Variants in SPTLC1 observed in about 807,000 individuals in gnomAD.
The protein encoded by SPTLC1 is serine palmitoyltransferase 1.
A neutral mutation model predicts 68.9 loss-of-function variants in SPTLC1; 55 were observed. The ratio of observed to expected loss-of-function variants is 0.80; its 90% CI spans 0.64 to 1.00. SPTLC1 has a LOEUF of 1.00. Ranked by LOEUF, SPTLC1 falls within the 50% of genes least tolerant of loss-of-function variation. The probability of loss-of-function intolerance (pLI) is 0.00; values close to 1 mark genes in which losing one functional copy is unlikely to be tolerated. For missense variants in SPTLC1, 449 were observed against 573.1 expected (o/e 0.78, Z 2.21); for synonymous variants, 197 against 201.6 (o/e 0.98, Z 0.19).
In SPTLC1 at chr9:92,115,294, G is replaced by A. The variant is rs373675878; in HGVS notation, c.57+20C>T. The A allele has an allele frequency of 3.2e-5, 52 of 1,611,180 alleles. No homozygotes were observed. The African/African-American group carries it at 6.1e-4, about 19-fold the overall frequency. On this transcript the variant is annotated intron_variant, in intron 1 of 14. Coordinates refer to ENST00000262554, the MANE Select transcript of SPTLC1 (RefSeq NM_006415.4). The stretch of plus-strand genomic sequence containing the variant: ...CCGGGCCCGGGTGTGGTCGCGGACC[G>A]CTAATGGCGCGGAGCCCACCTCGTA...
Position 92,059,186 on chromosome 9 carries a change from T to A in SPTLC1, c.683A>T (p.Asp228Val). The part of the protein sequence containing the change: ...ERLLKEQEIE[D>V]QKNPRKARVT... ...TCTTCAAAAGAATCATACCTTTTGA[T>A]CTTCGATCTCTTGTTCTTTTAGTAG... Residue 228 changes from aspartate (D) to valine (V), a missense_variant, in exon 7 of 15, where the codon GAT (aspartate) becomes GTT (valine). Asp to Val is a radical substitution (Grantham distance 152). Around this residue, in one of 3 missense-constraint regions of SPTLC1, gnomAD observed 391 missense variants for 472.1 expected, o/e 0.83. Coordinates refer to ENST00000262554, the MANE Select transcript of SPTLC1 (RefSeq NM_006415.4). The A allele has an allele frequency of 6.2e-7, 1 of 1,613,698 alleles. No individual in the cohort carries two copies. Among genetic ancestry groups the A allele is most frequent in the Non-Finnish European group, 8.5e-7 (1 of 1,179,796 alleles).
rs2118438681 is a variant in SPTLC1 at position 92,045,992 on chromosome 9, A to G, written c.1136+7T>C. 1 of 1,611,914 alleles carries G rather than the reference A, an allele frequency of 6.2e-7. No homozygotes were observed. Among genetic ancestry groups the G allele is most frequent in the Middle Eastern group, 1.7e-4 (1 of 6,040 alleles). ...CTTTATGTTGGTTGAAAATATATAA[A>G]ACTCACCCTTGTAAAGCTTTATGAA... On this transcript the variant is annotated splice_region_variant and intron_variant, in intron 12 of 14. Coordinates refer to ENST00000262554, the MANE Select transcript of SPTLC1 (RefSeq NM_006415.4).
intron 6 of SPTLC1, among the ~76,000 whole-genome samples, chr9:92,064,531 C>A (rs1051527295): frequency 6.6e-6 from 1 of 152,192 alleles, no homozygotes; most frequent in Non-Finnish European, 1.5e-5. Context: ...ATGGTATAGA[C>A]ACTTTGGAAA....
chr9:92,079,425 A>G, intron 5 of SPTLC1: 1 of 1,578,888 alleles, frequency 6.3e-7, no homozygotes, highest in Non-Finnish European at 8.6e-7. Context: ...TACACTTAAT[A>G]AAAACAACCA....
chr9:92,079,781 CCA>C, intron 5 of SPTLC1: 1 of 651,158 alleles, frequency 1.5e-6, no homozygotes, highest in Non-Finnish European at 2.7e-6. Flanking sequence ...GCTGCAATCC[CCA>C]CACATGCACA....
At chr9:92,083,066 T>C (rs1266757956) in intron 3 of SPTLC1, among the ~76,000 whole-genome samples, 8 of 151,952 alleles carry the variant, frequency 5.3e-5, no homozygotes, top group Admixed American at 2.0e-4. Context: ...TCATGTCCTT[T>C]GCCCACTTTT....
chr9:92,080,233 G>A (rs1272664241), intron 4 of SPTLC1, 145 bp from the exon 5 acceptor site: 4 of 669,358 alleles, frequency 6.0e-6, no homozygotes, highest in East Asian at 2.8e-5. Context: ...TAAAGACTGA[G>A]TATATGACTT....
chr9:92,082,636 T>C (rs1440961632), intron 3 of SPTLC1, among the ~76,000 whole-genome samples: 1 of 152,038 alleles, frequency 6.6e-6, no homozygotes, highest in African/African-American at 2.4e-5. Context: ...ATCCAGTCTA[T>C]CATTGTCGGA....
chr9:92,064,364 T>C (rs1834210382), intron 6 of SPTLC1, among the ~76,000 whole-genome samples: 1 of 152,146 alleles, frequency 6.6e-6, no homozygotes. Context: ...AGATGGCAAA[T>C]ATGCACATGA....
At chr9:92,047,495 A>G in intron 10 of SPTLC1, 118 bp downstream of exon 10, 1 of 776,298 alleles carries the variant, frequency 1.3e-6, no homozygotes, top group East Asian at 2.7e-5. Context: ...AAAAATTGAC[A>G]TTTAAATAAA....
intron 3 of SPTLC1, 125 bp from the exon 4 acceptor site, chr9:92,081,088 TTTC>T: frequency 2.8e-6 from 2 of 711,466 alleles, no homozygotes; most frequent in Non-Finnish European, 5.1e-6. Context: ...TGGTCTTTGA[TTTC>T]TTGTTTTTAA....
chr9:92,081,966 C>A (rs919306553), intron 3 of SPTLC1, among the ~76,000 whole-genome samples: 1 of 152,074 alleles, frequency 6.6e-6, no homozygotes, highest in African/African-American at 2.4e-5. Context: ...TTCATGAAAG[C>A]GAACTAACTT....
intron 3 of SPTLC1, among the ~76,000 whole-genome samples, chr9:92,094,537 G>T (rs7862826): frequency 0.064 from 9,720 of 152,106 alleles, 622 homozygotes; most frequent in East Asian, 0.27. Context: ...TGTTCTCCTT[G>T]CTCTTGGCAG....
chr9:92,111,260 T>G (rs980393812), intron 2 of SPTLC1: 64 of 152,226 alleles, frequency 4.2e-4, no homozygotes, highest in Admixed American at 4.1e-3. Context: ...CATTATTACC[T>G]GCTGAGGTAA....
intron 3 of SPTLC1, among the ~76,000 whole-genome samples, chr9:92,088,263 C>T (rs944772407): frequency 2.0e-5 from 3 of 152,256 alleles, no homozygotes; most frequent in African/African-American, 7.2e-5. Flanking sequence ...CTGTCCTGCG[C>T]CCACTGTCTG....
Position 92,047,661 on chromosome 9 carries a change from A to G in SPTLC1, c.936T>C (p.Ala312=), listed in dbSNP as rs747537696. The change falls in exon 10 of 15, where the codon GCT becomes GCC. Residue 312 remains alanine (A), a synonymous_variant. Coordinates refer to ENST00000262554, the MANE Select transcript of SPTLC1 (RefSeq NM_006415.4). The part of the protein sequence containing the change: ...LISANMENAL[A]SIGGFCCGRS... ...TGCCACAGCAGAAACCTCCAATAGA[A>G]GCAAGTGCATTCTCCATGTTGGCAC... is the stretch of plus-strand genomic sequence containing the variant. 6.2e-7 allele frequency: 1 copy of G among 1,613,924 alleles called. No individual in the cohort carries two copies.
At chr9:92,099,069 T>G (rs1835647593) in intron 3 of SPTLC1, among the ~76,000 whole-genome samples, 1 of 152,206 alleles carries the variant, frequency 6.6e-6, no homozygotes, top group Admixed American at 6.5e-5. Flanking sequence ...CTCATAACAT[T>G]GGCCCAACTA....
chr9:92,073,807 T>G (rs1834581144), intron 5 of SPTLC1, among the ~76,000 whole-genome samples: 1 of 152,142 alleles, frequency 6.6e-6, no homozygotes. Flanking sequence ...TGCCTCCACC[T>G]TAAAACAAAC....
chr9:92,057,664 G>T (rs1833943231), intron 7 of SPTLC1, among the ~76,000 whole-genome samples: 1 of 151,958 alleles, frequency 6.6e-6, no homozygotes, highest in African/African-American at 2.4e-5. Context: ...GTAGGAAAGG[G>T]GATAAAAAAC....
Sources: gnomAD v4.1 joint callset for allele counts (sites outside exome capture counted in the v4.1 genomes callset) on GRCh38, gnomAD v4.1.1 for gene constraint, gnomAD v4.1.1 regional missense constraint, MANE v1.5 for transcripts, NCBI Gene and HGNC (gene_info 2026-07-23, HGNC 2026-07-21) for gene names.